DPYD: variants seen among roughly 807,000 people sequenced by gnomAD.
The protein encoded by DPYD is dihydropyrimidine dehydrogenase, also known as dihydropyrimidine dehydrogenase [NADP(+)].
Under a neutral mutation model 116.2 loss-of-function variants are expected in DPYD, and 109 were observed. The observed-to-expected ratio is 0.94, with a 90% CI of 0.80 to 1.10. The LOEUF (loss-of-function observed/expected upper bound fraction) is 1.10. Ranked by LOEUF, DPYD falls within the 50% of genes least tolerant of loss-of-function variation. The pLI is 0.00. For missense variants in DPYD, 1,302 were observed against 1,254.5 expected, an observed-to-expected ratio of 1.04 and a Z score of -0.57; for synonymous variants, 440 against 432.0, an observed-to-expected ratio of 1.02 and a Z score of -0.23.
chr1:97,782,426 G>A (rs1186738138), intron 3 of DPYD, among the ~76,000 whole-genome samples: 3 of 152,184 alleles, frequency 2.0e-5, no homozygotes, highest in Non-Finnish European at 4.4e-5. Context: ...ATGTTCTACA[G>A]AAGTCCACAT....
chr1:97,760,059 G>T (rs904743494), intron 3 of DPYD, among the ~76,000 whole-genome samples: 1 of 152,174 alleles, frequency 6.6e-6, no homozygotes, highest in African/African-American at 2.4e-5. Context: ...GAGAACGGAA[G>T]GAGGTGTTTT....
chr1:97,195,425 C>T (rs1436870805), intron 19 of DPYD, among the ~76,000 whole-genome samples: 1 of 148,922 alleles, frequency 6.7e-6, no homozygotes, highest in East Asian at 2.0e-4. Flanking sequence ...AAGCCTCGTG[C>T]CTAGCATGCT....
At chr1:97,323,276 ACACGTATATATACATATGTGTATATG>A (rs1668425584) in intron 16 of DPYD, among the ~76,000 whole-genome samples, 1 of 148,358 alleles carries the variant, frequency 6.7e-6, no homozygotes, top group African/African-American at 2.5e-5. Flanking sequence ...GTGTATATGT[ACACGTATATATACATATGTGTATATG>A]TACACGTATA....
At chr1:97,139,049 T>G (rs894432492) in intron 20 of DPYD, among the ~76,000 whole-genome samples, 3 of 152,198 alleles carry the variant, frequency 2.0e-5, no homozygotes, top group African/African-American at 7.2e-5. Flanking sequence ...TTTGGTCCTT[T>G]CGAAAAAGAA....
chr1:97,505,831 A>G (rs1377236240), intron 13 of DPYD, among the ~76,000 whole-genome samples: 1 of 151,982 alleles, frequency 6.6e-6, no homozygotes, highest in Non-Finnish European at 1.5e-5. Flanking sequence ...GGCAGGATAG[A>G]AGTGAGAAAC....
chr1:97,503,414 A>T (rs546952227), intron 13 of DPYD, among the ~76,000 whole-genome samples: 13 of 152,096 alleles, frequency 8.5e-5, no homozygotes, highest in African/African-American at 2.6e-4. Context: ...GCTGTGAATG[A>T]ATCCACTCCT....
intron 8 of DPYD, among the ~76,000 whole-genome samples, chr1:97,671,172 T>C (rs1659841959): frequency 6.6e-6 from 1 of 151,908 alleles, no homozygotes; most frequent in Non-Finnish European, 1.5e-5. Context: ...GAAGACATCA[T>C]GAGTTAATAG....
intron 8 of DPYD, among the ~76,000 whole-genome samples, chr1:97,669,430 G>A (rs1405054431): frequency 1.3e-5 from 2 of 152,068 alleles, no homozygotes; most frequent in Non-Finnish European, 2.9e-5. Flanking sequence ...AACCAAACTA[G>A]ATTGTATTTG....
At chr1:97,202,406 C>T (rs1003712022) in intron 19 of DPYD, among the ~76,000 whole-genome samples, 1 of 152,130 alleles carries the variant, frequency 6.6e-6, no homozygotes, top group African/African-American at 2.4e-5. Context: ...GCCTGAAAGT[C>T]TATTTTTCAG....
chr1:97,530,214 C>CTT (rs57740723), intron 12 of DPYD, among the ~76,000 whole-genome samples: 203 of 112,682 alleles, frequency 1.8e-3, no homozygotes, highest in Non-Finnish European at 2.7e-3. Flanking sequence ...CTTTTTTTTT[C>CTT]TTTTTTTTTT....
intron 20 of DPYD, among the ~76,000 whole-genome samples, chr1:97,150,545 C>A (rs1013532328): frequency 1.3e-5 from 2 of 152,176 alleles, no homozygotes; most frequent in Non-Finnish European, 1.5e-5. Flanking sequence ...CTCACCCAGG[C>A]ATTTTCTTGT....
chr1:97,349,299 G>A (rs1323191894), intron 16 of DPYD, among the ~76,000 whole-genome samples: 1 of 150,388 alleles, frequency 6.6e-6, no homozygotes, highest in Admixed American at 6.7e-5. Context: ...TCTTACTGAA[G>A]AAAGTAGCAA....
At chr1:97,245,922 T>TA (rs1212236944) in intron 18 of DPYD, among the ~76,000 whole-genome samples, 1 of 152,142 alleles carries the variant, frequency 6.6e-6, no homozygotes, top group Non-Finnish European at 1.5e-5. Context: ...TACAAAGAAT[T>TA]ACATGTGTTA....
chr1:97,092,351 G>A (rs1649952842), intron 21 of DPYD, among the ~76,000 whole-genome samples: 1 of 152,160 alleles, frequency 6.6e-6, no homozygotes, highest in Non-Finnish European at 1.5e-5. Context: ...CCAACTAGAG[G>A]TGGAATTTCA....
rs148827878 is a variant in DPYD at position 97,179,346 on chromosome 1, G to C, written c.2622+13723C>G. On this transcript the variant is annotated intron_variant, in intron 20 of 22. Transcript: ENST00000370192. Reference sequence around the variant, plus strand: ...GAAATAAAGACTTGGTAACATTTAGGGTTTGAAAGGTGCCCAGATTGATAG... The same window carrying C: ...GAAATAAAGACTTGGTAACATTTAGCGTTTGAAAGGTGCCCAGATTGATAG... Among the ~76,000 whole-genome samples, 13 of 152,174 alleles carry C rather than the reference G, an allele frequency of 8.5e-5. No individual in the cohort carries two copies. The East Asian group carries it at 2.5e-3, about 29-fold the overall frequency.
At chr1:97,482,059 T>C (rs1331598507) in intron 13 of DPYD, among the ~76,000 whole-genome samples, 1 of 152,196 alleles carries the variant, frequency 6.6e-6, no homozygotes, top group Non-Finnish European at 1.5e-5. Flanking sequence ...GAAAGGTCTA[T>C]TACATTAAAA....
intron 20 of DPYD, among the ~76,000 whole-genome samples, chr1:97,182,945 G>A (rs1280828428): frequency 6.6e-6 from 1 of 152,090 alleles, no homozygotes; most frequent in Non-Finnish European, 1.5e-5. Context: ...TTCTTCATGA[G>A]ATACAAGTAT....
At position 97,459,441 on chromosome 1, in the gene DPYD, C is replaced by G. The variant is rs567966164; in HGVS notation, c.1741-9218G>C. 1.1e-3 allele frequency among the ~76,000 whole-genome samples: 169 copies of G among 152,016 alleles called. 1 individual carries two copies. Among genetic ancestry groups the G allele is most frequent in the African/African-American group, 3.8e-3 (156 of 41,486 alleles). ...CCAATTCTTAGATTCCAGACAACAA[C>G]AAACTGAGGAAAATACGTTTTTTAA... On this transcript the variant is annotated intron_variant, in intron 13 of 22. Coordinates refer to ENST00000370192, the MANE Select transcript of DPYD (RefSeq NM_000110.4).
At chr1:97,238,186 G>C (rs1206084283) in intron 18 of DPYD, among the ~76,000 whole-genome samples, 8 of 152,112 alleles carry the variant, frequency 5.3e-5, no homozygotes, top group Admixed American at 5.2e-4. Flanking sequence ...CTAATGAACA[G>C]AAAATCTTTT....
Sources: gnomAD v4.1 joint callset for allele counts (sites outside exome capture counted in the v4.1 genomes callset) on GRCh38, gnomAD v4.1.1 for gene constraint, MANE v1.5 for transcripts, NCBI Gene and HGNC (gene_info 2026-07-23, HGNC 2026-07-21) for gene names.